TBC1D5: variants seen among roughly 807,000 people sequenced by gnomAD.
TBC1D5 encodes TBC1 domain family, member 5.
TBC1D5 carries 75 observed loss-of-function variants against 100.3 expected under a neutral mutation model. That is an observed-to-expected ratio of 0.75 (90% CI 0.62 to 0.91). The LOEUF is 0.91. TBC1D5 is among the 40% of genes least tolerant of loss of function. The pLI is 0.00. For synonymous variants in TBC1D5, 323 were observed against 325.6 expected (o/e 0.99, Z 0.09); for missense variants, 910 against 942.4 (o/e 0.97, Z 0.45).
At chr3:17,235,189 T>C (rs1021945878) in intron 17 of TBC1D5, among the ~76,000 whole-genome samples, 3 of 152,166 alleles carry the variant, frequency 2.0e-5, no homozygotes, top group African/African-American at 7.2e-5. Flanking sequence ...TCCTTCACTA[T>C]CCTACCCCAA....
intron 2 of TBC1D5, among the ~76,000 whole-genome samples, chr3:17,583,456 T>C (rs9968090): frequency 0.021 from 3,178 of 151,902 alleles, 98 homozygotes; most frequent in African/African-American, 0.072. Flanking sequence ...CTGGGTGCGA[T>C]GGCTCATGCC....
chr3:17,176,926 T>A (rs1029568714), intron 19 of TBC1D5, among the ~76,000 whole-genome samples: 7 of 152,070 alleles, frequency 4.6e-5, no homozygotes, highest in Non-Finnish European at 7.4e-5. Context: ...ATATCCTTAG[T>A]GGGAATGCTA....
intron 3 of TBC1D5, among the ~76,000 whole-genome samples, chr3:17,458,099 G>A (rs1346181100): frequency 6.6e-6 from 1 of 152,160 alleles, no homozygotes; most frequent in Non-Finnish European, 1.5e-5. Flanking sequence ...AGAAACGGAG[G>A]AAGGTCTTCT....
At chr3:17,168,240 C>T (rs1327600364) in intron 19 of TBC1D5, among the ~76,000 whole-genome samples, 1 of 152,164 alleles carries the variant, frequency 6.6e-6, no homozygotes, top group Non-Finnish European at 1.5e-5. Flanking sequence ...CGATTCCTTC[C>T]AGGTGACTGA....
At chr3:17,274,612 T>C (rs993017274) in intron 15 of TBC1D5, among the ~76,000 whole-genome samples, 51 of 152,194 alleles carry the variant, frequency 3.4e-4, no homozygotes, top group African/African-American at 1.1e-3. Flanking sequence ...ACTGCAACTA[T>C]TCCTGTCACT....
In TBC1D5 at chr3:17,318,112, T is replaced by C. The variant is rs191190019; in HGVS notation, c.996-9978A>G. Among the ~76,000 whole-genome samples the C allele has an allele frequency of 1.1e-4, 16 of 151,378 alleles. No homozygotes were observed. The East Asian group carries it at 3.1e-3, about 30-fold the overall frequency. On this transcript the variant is annotated intron_variant, in intron 13 of 21. Transcript: ENST00000253692. Reference sequence around the variant, plus strand: ...TGAAACTGGAAATCATCATTCTCAGTAAACTATCGCAAGGACAAAAAACCA... The same window carrying C: ...TGAAACTGGAAATCATCATTCTCAGCAAACTATCGCAAGGACAAAAAACCA...
intron 3 of TBC1D5, among the ~76,000 whole-genome samples, chr3:17,452,607 G>A (rs1339236962): frequency 6.6e-6 from 1 of 152,166 alleles, no homozygotes; most frequent in Non-Finnish European, 1.5e-5. Context: ...TTCACAGGAA[G>A]AGGATAAAAC....
intron 2 of TBC1D5, among the ~76,000 whole-genome samples, chr3:17,594,495 C>T (rs1016349950): frequency 3.3e-5 from 5 of 152,176 alleles, no homozygotes; most frequent in Admixed American, 6.5e-5. Context: ...ATACCAGCTA[C>T]AGAATCAATA....
At chr3:17,564,594 TC>T (rs1459149622) in intron 2 of TBC1D5, among the ~76,000 whole-genome samples, 2 of 152,144 alleles carry the variant, frequency 1.3e-5, no homozygotes, top group African/African-American at 4.8e-5. Flanking sequence ...AGGTAGGAGT[TC>T]CAGGCAAGGA....
intron 8 of TBC1D5, among the ~76,000 whole-genome samples, chr3:17,393,028 G>GACTTTTTAATGATCACCATTCTA (rs145558166): frequency 0.065 from 9,825 of 151,636 alleles, 645 homozygotes; most frequent in African/African-American, 0.17. Context: ...ATTGTTTCCT[G>GACTTTTTAATGATCACCATTCTA]ACTTTTTAAT....
At chr3:17,190,242 A>C (rs896925882) in intron 18 of TBC1D5, among the ~76,000 whole-genome samples, 1 of 152,212 alleles carries the variant, frequency 6.6e-6, no homozygotes, top group Non-Finnish European at 1.5e-5. Flanking sequence ...TGGCCACTGA[A>C]AAAGTTTAGA....
At position 17,303,616 on chromosome 3, in the gene TBC1D5, C is replaced by T. The variant is rs1219435009; in HGVS notation, c.1138+4376G>A. On this transcript the variant is annotated intron_variant, in intron 14 of 21. Coordinates refer to ENST00000253692, the Ensembl canonical transcript of TBC1D5. The stretch of plus-strand genomic sequence containing the variant: ...ACCATACCAAGCAGATCTAGAACTG[C>T]TTTATGTCGGACCACAACTTTGTAT... Among the ~76,000 whole-genome samples the T allele has an allele frequency of 3.3e-5, 5 of 152,272 alleles. No individual in the cohort carries two copies. In the South Asian group the frequency reaches 8.3e-4, roughly 25 times the overall value.
At chr3:17,455,492 GTATATATATATGTGTGTGTGTATATATA>G in intron 3 of TBC1D5, among the ~76,000 whole-genome samples, 1 of 135,876 alleles carries the variant, frequency 7.4e-6, no homozygotes, top group Non-Finnish European at 1.5e-5. Flanking sequence ...ATATATATGT[GTATATATATATGTGTGTGTGTATATATA>G]TATATATATA....
chr3:17,563,495 T>A, intron 2 of TBC1D5, among the ~76,000 whole-genome samples: 1 of 152,194 alleles, frequency 6.6e-6, no homozygotes, highest in East Asian at 1.9e-4. Flanking sequence ...AAAATATATT[T>A]CAAAACGGAG....
At chr3:17,704,312 T>C (rs1199781198) in intron 1 of TBC1D5, among the ~76,000 whole-genome samples, 10 of 150,918 alleles carry the variant, frequency 6.6e-5, no homozygotes, top group Non-Finnish European at 1.5e-4. Context: ...AAGTCTCCCA[T>C]GTCTACTTCT....
chr3:17,441,434 G>A lies in TBC1D5; in HGVS notation c.98-12915C>T, dbSNP rs527638542. Among the ~76,000 whole-genome samples the A allele has an allele frequency of 9.6e-4, 146 of 152,238 alleles. 1 individual carries two copies. The highest frequency in any genetic ancestry group is 3.3e-3 in the African/African-American group (139 of 41,546). On this transcript the variant is annotated intron_variant, in intron 3 of 21. Transcript: ENST00000253692. Reference sequence around the variant, plus strand: ...GTAATATCTGATTTTGGATTCTAACGACAAGAAAAAAGTCAGCCATTTGAA... The same window carrying A: ...GTAATATCTGATTTTGGATTCTAACAACAAGAAAAAAGTCAGCCATTTGAA...
At chr3:17,737,712 C>T (rs2077064288) in intron 1 of TBC1D5, among the ~76,000 whole-genome samples, 1 of 151,960 alleles carries the variant, frequency 6.6e-6, no homozygotes, top group African/African-American at 2.4e-5. Context: ...CTTCATGTAG[C>T]CTTCATCACT....
At chr3:17,422,806 T>A (rs76166206) in intron 4 of TBC1D5, among the ~76,000 whole-genome samples, 9,247 of 152,238 alleles carry the variant, frequency 0.061, 550 homozygotes, top group African/African-American at 0.15. Context: ...ACTTGAAGGC[T>A]AATTTTTCAA....
intron 4 of TBC1D5, among the ~76,000 whole-genome samples, chr3:17,421,594 GA>G (rs1284547764): frequency 6.6e-6 from 1 of 152,118 alleles, no homozygotes; most frequent in African/African-American, 2.4e-5. Context: ...AGAAAAGAGA[GA>G]GGGAAAGAAA....
Sources: gnomAD v4.1 joint callset for allele counts (sites outside exome capture counted in the v4.1 genomes callset) on GRCh38, gnomAD v4.1.1 for gene constraint, MANE v1.5 for transcripts, NCBI Gene and HGNC (gene_info 2026-07-23, HGNC 2026-07-21) for gene names.